PCDHGB2: variants seen among roughly 807,000 people sequenced by gnomAD.
PCDHGB2 encodes the protein protocadherin gamma-B2.
In PCDHGB2, 55 loss-of-function variants were observed where a neutral mutation model predicts 59.3. The ratio of observed to expected loss-of-function variants is 0.93; its 90% CI spans 0.75 to 1.16. PCDHGB2 has a LOEUF of 1.16. Ranked by LOEUF, PCDHGB2 falls within the 50% of genes most tolerant of loss-of-function variation. The pLI is 0.00. For missense variants in PCDHGB2, 1,228 were observed against 1,198.5 expected, an observed-to-expected ratio of 1.02 and a Z score of -0.36; for synonymous variants, 516 against 512.0, an observed-to-expected ratio of 1.01 and a Z score of -0.11.
chr5:141,404,862 C>A, intron 1 of PCDHGB2: 1 of 1,613,848 alleles, frequency 6.2e-7, no homozygotes, highest in Non-Finnish European at 8.5e-7. Context: ...GATAGAGATG[C>A]GCTCAAACAG....
chr5:141,478,599 T>A, intron 1 of PCDHGB2: 1 of 1,565,814 alleles, frequency 6.4e-7, no homozygotes, highest in Non-Finnish European at 8.7e-7. Flanking sequence ...TATTCCTACA[T>A]CATATTGAGG....
At chr5:141,409,317 G>A in intron 1 of PCDHGB2, 2 of 1,613,940 alleles carry the variant, frequency 1.2e-6, no homozygotes, top group Non-Finnish European at 1.7e-6. Flanking sequence ...TTCAAAACAC[G>A]GGATCTGGAT....
At chr5:141,366,546 ACT>A (rs1213982480) in intron 1 of PCDHGB2, 6 of 1,614,216 alleles carry the variant, frequency 3.7e-6, no homozygotes, top group Non-Finnish European at 5.1e-6. Context: ...CCCGCCTCGC[ACT>A]TTGTGGGCGT....
intron 1 of PCDHGB2, chr5:141,399,780 A>C (rs1444494014): frequency 6.2e-7 from 1 of 1,613,170 alleles, no homozygotes; most frequent in Non-Finnish European, 8.5e-7. Flanking sequence ...TGGGCGACCG[A>C]AACGACAACG....
chr5:141,384,294 C>T, intron 1 of PCDHGB2: 1 of 1,613,864 alleles, frequency 6.2e-7, no homozygotes. Context: ...CTGAGAACAA[C>T]CCCAGAGGGG....
chr5:141,434,852 A>G (rs1382212982), intron 1 of PCDHGB2, among the ~76,000 whole-genome samples: 2 of 151,990 alleles, frequency 1.3e-5, no homozygotes, highest in Non-Finnish European at 2.9e-5. Context: ...AGACATCAAT[A>G]AATTTATATA....
intron 1 of PCDHGB2, chr5:141,423,839 A>C: frequency 7.8e-7 from 1 of 1,279,970 alleles, no homozygotes; most frequent in Admixed American, 3.8e-5. Flanking sequence ...AGATTACGAT[A>C]ATCTTTCAGA....
At chr5:141,458,028 G>A (rs1363025110) in intron 1 of PCDHGB2, among the ~76,000 whole-genome samples, 2 of 152,122 alleles carry the variant, frequency 1.3e-5, no homozygotes, top group African/African-American at 4.8e-5. Flanking sequence ...ATTGTGTTCT[G>A]TTGACAAAGA....
chr5:141,415,336 C>T (rs746539261), intron 1 of PCDHGB2: 5 of 1,614,200 alleles, frequency 3.1e-6, no homozygotes, highest in South Asian at 2.2e-5. Flanking sequence ...GCACAGGCTG[C>T]GGCGCTGGCA....
rs145569377 is a variant in PCDHGB2 at position 141,455,860 on chromosome 5, ATTATTTATTTATTTATTTATTTATTTAT to A, written c.2422-38920_2422-38893del. Among the ~76,000 whole-genome samples the A allele has an allele frequency of 5.0e-5, 7 of 139,848 alleles. No individual in the cohort carries two copies. The South Asian group carries it at 9.2e-4, about 18-fold the overall frequency. 91.7% of individuals were successfully genotyped at this position (139,848 alleles called of 152,430 possible). On this transcript the variant is annotated intron_variant, in intron 1 of 3. Transcript: ENST00000522605. ...CTATCTGCATAAAATAATTTCTTTT[ATTATTTATTTATTTATTTATTTATTTAT>A]TTATTTATTTATTTATTTATTTATT...
At chr5:141,374,328 G>T in intron 1 of PCDHGB2, 1 of 1,613,996 alleles carries the variant, frequency 6.2e-7, no homozygotes, top group Non-Finnish European at 8.5e-7. Flanking sequence ...CCGCGAAACG[G>T]CAGCTTGGTC....
At position 141,390,470 on chromosome 5, in the gene PCDHGB2, G is replaced by A; in HGVS notation, c.2421+27914G>A. On this transcript the variant is annotated intron_variant, in intron 1 of 3. Transcript: ENST00000522605. ...AGGAGTAAAGTAGGAGCAATTGTGTGGCCCAACATTTGTTTGTTTTTTAGC... is the reference window on the plus strand; with the variant it reads ...AGGAGTAAAGTAGGAGCAATTGTGTAGCCCAACATTTGTTTGTTTTTTAGC... 4.3e-6 allele frequency: 3 copies of A among 699,244 alleles called. No individual in the cohort carries two copies. In the South Asian group the frequency reaches 6.0e-5, roughly 14 times the overall value. The allele number at this position is 699,244 out of a possible 1,614,324, so 43.3% of individuals were successfully genotyped here.
intron 1 of PCDHGB2, chr5:141,391,145 G>A (rs1212141265): frequency 6.6e-6 from 1 of 152,000 alleles, no homozygotes; most frequent in African/African-American, 2.4e-5. Flanking sequence ...CTACCTCTAG[G>A]AAAGAAATAT....
At chr5:141,484,050 C>T (rs1262678828) in intron 1 of PCDHGB2, among the ~76,000 whole-genome samples, 1 of 151,984 alleles carries the variant, frequency 6.6e-6, no homozygotes, top group Non-Finnish European at 1.5e-5. Flanking sequence ...CAAGAGGTCC[C>T]CTGGGGCTAA....
At chr5:141,404,978 G>T (rs373968137) in intron 1 of PCDHGB2, 2 of 1,613,976 alleles carry the variant, frequency 1.2e-6, no homozygotes, top group Non-Finnish European at 8.5e-7. Flanking sequence ...GGCTGACCTG[G>T]GCAGTCTTCA....
intron 1 of PCDHGB2, chr5:141,395,843 A>T (rs570175269): frequency 2.0e-5 from 3 of 152,044 alleles, no homozygotes; most frequent in Non-Finnish European, 4.4e-5. Flanking sequence ...TTGGTGGGAG[A>T]TGAGACTGGT....
At chr5:141,441,710 G>A (rs2098266791) in intron 1 of PCDHGB2, 1 of 322,162 alleles carries the variant, frequency 3.1e-6, no homozygotes, top group Non-Finnish European at 6.1e-6. Context: ...TCAAGCTCAC[G>A]CTGCAGGCCC....
intron 2 of PCDHGB2, among the ~76,000 whole-genome samples, chr5:141,499,083 C>G (rs2099789346): frequency 6.6e-6 from 1 of 152,082 alleles, no homozygotes; most frequent in African/African-American, 2.4e-5. Flanking sequence ...GAAGTTCCTG[C>G]TTGGCACATG....
rs201851177 is a variant in PCDHGB2, at chr5:141,376,061, C to G, written c.2421+13505C>G. On this transcript the variant is annotated intron_variant, in intron 1 of 3. Transcript: ENST00000522605. ...GCCCCCTCTCTCCGCCACTGTCACG[C>G]TCACCGTGGCCGTGGCCGACAGGAT... is the stretch of plus-strand genomic sequence containing the variant. The G allele has an allele frequency of 8.2e-4, 1,321 of 1,613,326 alleles. No individual in the cohort carries two copies. Among genetic ancestry groups the G allele is most frequent in the Non-Finnish European group, 1.0e-3 (1,200 of 1,179,910 alleles).
Sources: gnomAD v4.1 joint callset for allele counts (sites outside exome capture counted in the v4.1 genomes callset) on GRCh38, gnomAD v4.1.1 for gene constraint, MANE v1.5 for transcripts, NCBI Gene and HGNC (gene_info 2026-07-23, HGNC 2026-07-21) for gene names.